Variants in CRISP1 observed in about 807,000 individuals in gnomAD.
CRISP1 encodes cysteine rich secretory protein 1.
A neutral mutation model predicts 33.1 loss-of-function variants in CRISP1; 44 were observed. The ratio of observed to expected loss-of-function variants is 1.33; its 90% CI spans 1.05 to 1.71. The LOEUF is 1.71. Among genes scored for constraint, CRISP1 ranks in the 40% most tolerant of loss-of-function variants. The probability of loss-of-function intolerance (pLI) is 0.00; values close to 1 mark genes in which losing one functional copy is unlikely to be tolerated. For missense variants in CRISP1, 390 were observed against 301.2 expected, an observed-to-expected ratio of 1.29 and a Z score of -2.18; for synonymous variants, 103 against 98.7, an observed-to-expected ratio of 1.04 and a Z score of -0.26.
intron 5 of CRISP1, among the ~76,000 whole-genome samples, chr6:49,845,736 C>T (rs373640983): frequency 6.7e-6 from 1 of 148,220 alleles, no homozygotes; most frequent in Non-Finnish European, 1.5e-5. Context: ...AACTCAAATG[C>T]CCATCAGAAC....
intron 4 of CRISP1, among the ~76,000 whole-genome samples, chr6:49,847,045 C>A (rs1002086887): frequency 6.6e-6 from 1 of 152,048 alleles, no homozygotes; most frequent in Non-Finnish European, 1.5e-5. Context: ...GTTGAATAAA[C>A]ATTTGTTTAT....
At chr6:49,872,440 A>G (rs1771946862) in intron 1 of CRISP1, among the ~76,000 whole-genome samples, 1 of 152,040 alleles carries the variant, frequency 6.6e-6, no homozygotes, top group African/African-American at 2.4e-5. Flanking sequence ...TTTTGTTGCC[A>G]TTGCTTTTGG....
chr6:49,875,685 T>C (rs139292727), intron 1 of CRISP1, among the ~76,000 whole-genome samples: 1 of 152,256 alleles, frequency 6.6e-6, no homozygotes, highest in Non-Finnish European at 1.5e-5. Context: ...AGCATGGTAC[T>C]GGTACAAGAA....
chr6:49,871,132 A>AC (rs892051118), upstream of CRISP1, among the ~76,000 whole-genome samples: 9 of 150,714 alleles, frequency 6.0e-5, no homozygotes, highest in Admixed American at 2.0e-4. Context: ...AAACAAACAA[A>AC]AAAAAAACAA....
chr6:49,850,905 C>A (rs761390158), intron 3 of CRISP1, among the ~76,000 whole-genome samples: 1 of 152,086 alleles, frequency 6.6e-6, no homozygotes, highest in Non-Finnish European at 1.5e-5. Context: ...GGCCCACTTG[C>A]ATTTTAATCT....
chr6:49,840,372 A>G (rs1375884755), intron 6 of CRISP1, among the ~76,000 whole-genome samples: 1 of 152,180 alleles, frequency 6.6e-6, no homozygotes, highest in African/African-American at 2.4e-5. Context: ...ATGTATATTT[A>G]ATTTTTAAAG....
chr6:49,855,723 AT>A (rs1165377999), intron 2 of CRISP1, among the ~76,000 whole-genome samples: 1 of 152,170 alleles, frequency 6.6e-6, no homozygotes, highest in South Asian at 2.1e-4. Flanking sequence ...AGTAAAAACA[AT>A]TTTTGTTAAA....
chr6:49,864,802 G>A (rs1771757599), intron 1 of CRISP1, among the ~76,000 whole-genome samples: 1 of 151,876 alleles, frequency 6.6e-6, no homozygotes, highest in South Asian at 2.1e-4. Context: ...GTTCTTGATA[G>A]GGCAATTGTC....
intron 1 of CRISP1, among the ~76,000 whole-genome samples, chr6:49,876,729 T>C (rs1405768162): frequency 6.6e-6 from 1 of 152,056 alleles, no homozygotes; most frequent in African/African-American, 2.4e-5. Context: ...ATTATGTCCT[T>C]TGCAGGGACA....
intron 5 of CRISP1, among the ~76,000 whole-genome samples, chr6:49,843,390 G>A (rs1771056620): frequency 6.6e-6 from 1 of 151,824 alleles, no homozygotes; most frequent in African/African-American, 2.4e-5. Flanking sequence ...ATCTTCATTG[G>A]CTTTTAACAT....
intron 1 of CRISP1, among the ~76,000 whole-genome samples, chr6:49,873,043 A>G (rs188569883): frequency 6.6e-6 from 1 of 151,772 alleles, no homozygotes; most frequent in African/African-American, 2.4e-5. Context: ...GCATGGAATG[A>G]TAGCATTTGG....
intron 1 of CRISP1, among the ~76,000 whole-genome samples, chr6:49,860,110 T>A (rs1771606098): frequency 6.6e-6 from 1 of 152,122 alleles, no homozygotes; most frequent in Non-Finnish European, 1.5e-5. Flanking sequence ...ATGGAGCACC[T>A]AGATATATAA....
rs558615090 is a variant in CRISP1 at position 49,846,735 on chromosome 6, C to T, written c.287-67G>A. 7.5e-6 allele frequency: 11 copies of T among 1,474,900 alleles called. No individual in the cohort carries two copies. In the African/African-American group the frequency reaches 1.4e-4, roughly 19 times the overall value. 91.4% of individuals were successfully genotyped at this position (1,474,900 alleles called of 1,614,324 possible). ...GGAAATAGTATACAAGGAGACTTTCCTCATTTTTATTTTATGAATGGTTCA... is the reference window on the plus strand; with the variant it reads ...GGAAATAGTATACAAGGAGACTTTCTTCATTTTTATTTTATGAATGGTTCA... On this transcript the variant is annotated intron_variant, in intron 4 of 7. Transcript: ENST00000335847.
At chr6:49,871,513 A>C (rs1312105885), upstream of CRISP1, among the ~76,000 whole-genome samples, 4 of 151,484 alleles carry the variant, frequency 2.6e-5, no homozygotes, top group Non-Finnish European at 4.4e-5. Flanking sequence ...ACAGGTACAC[A>C]TTAAAAAGGG....
At chr6:49,862,826 A>C (rs1771688968) in intron 1 of CRISP1, among the ~76,000 whole-genome samples, 1 of 151,932 alleles carries the variant, frequency 6.6e-6, no homozygotes, top group Non-Finnish European at 1.5e-5. Context: ...CAAAAAAAAA[A>C]ACAAAACAAA....
intron 1 of CRISP1, among the ~76,000 whole-genome samples, chr6:49,860,861 T>C (rs899679800): frequency 4.0e-5 from 6 of 151,200 alleles, no homozygotes; most frequent in Non-Finnish European, 8.9e-5. Context: ...ATAGGCCGAG[T>C]AACCAAGATA....
chr6:49,838,853 T>A (rs1392332281), intron 6 of CRISP1, among the ~76,000 whole-genome samples: 1 of 152,124 alleles, frequency 6.6e-6, no homozygotes, highest in Non-Finnish European at 1.5e-5. Context: ...TTAGAGCCAA[T>A]TACAATAGAA....
Position 49,848,995 on chromosome 6 carries a change from A to T in CRISP1, c.196-696T>A, listed in dbSNP as rs184300318. 1.6e-4 allele frequency among the ~76,000 whole-genome samples: 24 copies of T among 152,254 alleles called. 1 individual carries two copies. The highest frequency in any genetic ancestry group is 1.4e-3 in the Admixed American group (21 of 15,268). Reference sequence around the variant, plus strand: ...TTCGGGGTCACACTATAAATAACTGACAAAATAAGAATTTGAATCCACTTA... The same window carrying T: ...TTCGGGGTCACACTATAAATAACTGTCAAAATAAGAATTTGAATCCACTTA... On this transcript the variant is annotated intron_variant, in intron 3 of 7. Transcript: ENST00000335847.
chr6:49,867,372 G>T (rs1411633064), upstream of CRISP1, among the ~76,000 whole-genome samples: 1 of 151,978 alleles, frequency 6.6e-6, no homozygotes, highest in Admixed American at 6.6e-5. Flanking sequence ...GTCATAGCTT[G>T]CTGGCCTCTT....
Sources: allele counts gnomAD v4.1 joint callset (sites outside exome capture counted in the v4.1 genomes callset), GRCh38; gene constraint gnomAD v4.1.1; transcripts MANE v1.5; gene names NCBI Gene and HGNC (gene_info 2026-07-23, HGNC 2026-07-21).